The following ARHGEF3 variants were observed in gnomAD, a reference collection of about 807,000 sequenced individuals.
ARHGEF3 encodes the protein Rho guanine nucleotide exchange factor 3.
ARHGEF3 carries 28 observed loss-of-function variants against 63.2 expected under a neutral mutation model. The observed-to-expected ratio is 0.44, with a 90% CI of 0.33 to 0.61. The LOEUF (loss-of-function observed/expected upper bound fraction) is 0.61. Among genes scored for constraint, ARHGEF3 ranks in the 20% least tolerant of loss-of-function variants. The pLI, the probability that ARHGEF3 is intolerant of heterozygous loss-of-function variation, is 0.03. For missense variants in ARHGEF3, 533 were observed against 659.3 expected (o/e 0.81, Z 2.10); for synonymous variants, 266 against 254.2 (o/e 1.05, Z -0.44).
intron 1 of ARHGEF3, among the ~76,000 whole-genome samples, chr3:57,065,047 G>A (rs574074485): frequency 6.6e-6 from 1 of 152,370 alleles, no homozygotes; most frequent in South Asian, 2.1e-4. Context: ...GTGTATAACT[G>A]TAGGGAGAAG....
chr3:56,967,630 A>T (rs1304410409), intron 2 of ARHGEF3, among the ~76,000 whole-genome samples: 1 of 88,548 alleles, frequency 1.1e-5, no homozygotes, highest in Non-Finnish European at 1.9e-5. Flanking sequence ...TATATTATAT[A>T]ATATATATTA....
chr3:57,020,304 C>T (rs1407403141), intron 2 of ARHGEF3, among the ~76,000 whole-genome samples: 1 of 152,196 alleles, frequency 6.6e-6, no homozygotes, highest in Non-Finnish European at 1.5e-5. Context: ...TGCCACCTCC[C>T]CTCTCACTTG....
intron 2 of ARHGEF3, among the ~76,000 whole-genome samples, chr3:57,002,191 G>A (rs992740321): frequency 6.6e-5 from 10 of 151,322 alleles, no homozygotes; most frequent in Non-Finnish European, 1.2e-4. Flanking sequence ...GATTACAGGC[G>A]TGAGCCACCG....
intron 2 of ARHGEF3, among the ~76,000 whole-genome samples, chr3:56,984,223 A>G (rs1701447336): frequency 6.6e-6 from 1 of 152,208 alleles, no homozygotes; most frequent in Admixed American, 6.5e-5. Flanking sequence ...CACCACCCAG[A>G]GACCCCCACA....
chr3:56,729,539 G>C lies in ARHGEF3; in HGVS notation c.1312C>G (p.Gln438Glu). The change falls in exon 10 of 10, where the codon CAG (glutamine) becomes GAG (glutamate). Residue 438 changes from glutamine to glutamate, a missense_variant. This residue lies in a region of ARHGEF3 where 151 missense variants were observed against 190.7 expected (regional missense o/e 0.79). Coordinates refer to ENST00000296315, the MANE Select transcript of ARHGEF3 (RefSeq NM_019555.3). ...TGACGAATACAGTTAAGCCACTGCT[G>C]TTTGTTGAAAGTGTCATTGGCTTGT... ...SLQANDTFNK[Q>E]QWLNCIRQAK... 6.2e-7 allele frequency: 1 copy of C among 1,614,198 alleles called. No individual in the cohort carries two copies. Among genetic ancestry groups the C allele is most frequent in the Non-Finnish European group, 8.5e-7 (1 of 1,180,038 alleles).
chr3:57,006,755 C>T (rs1004599989), intron 2 of ARHGEF3, among the ~76,000 whole-genome samples: 1 of 152,198 alleles, frequency 6.6e-6, no homozygotes, highest in Non-Finnish European at 1.5e-5. Flanking sequence ...CCCCCAAACA[C>T]GGTCACACTT....
intron 2 of ARHGEF3, among the ~76,000 whole-genome samples, chr3:56,975,074 C>T (rs1326349877): frequency 6.6e-6 from 1 of 152,060 alleles, no homozygotes; most frequent in East Asian, 1.9e-4. Context: ...CTGGGGGTAC[C>T]CTCAATCTCT....
intron 7 of ARHGEF3, among the ~76,000 whole-genome samples, chr3:56,738,429 T>C (rs914445451): frequency 2.6e-5 from 4 of 151,776 alleles, no homozygotes; most frequent in Admixed American, 1.3e-4. Flanking sequence ...ACCTCTGCCT[T>C]CCAAAGTGCT....
chr3:57,020,840 T>C (rs1038044590), intron 2 of ARHGEF3, among the ~76,000 whole-genome samples: 1 of 152,258 alleles, frequency 6.6e-6, no homozygotes, highest in African/African-American at 2.4e-5. Flanking sequence ...ACTGCATTTC[T>C]GTCACTTGCA....
chr3:56,965,368 T>C (rs1700448876), intron 2 of ARHGEF3, among the ~76,000 whole-genome samples: 1 of 152,004 alleles, frequency 6.6e-6, no homozygotes. Context: ...ATTAAAACTG[T>C]CCCAAGAAGA....
At chr3:56,983,456 T>C (rs1203213040) in intron 2 of ARHGEF3, among the ~76,000 whole-genome samples, 4 of 152,218 alleles carry the variant, frequency 2.6e-5, no homozygotes, top group Admixed American at 6.5e-5. Context: ...GCCTGGTGTA[T>C]ATCCTTTCAG....
intron 2 of ARHGEF3, among the ~76,000 whole-genome samples, chr3:56,980,314 A>G (rs1454125467): frequency 6.6e-6 from 1 of 151,174 alleles, no homozygotes; most frequent in Non-Finnish European, 1.5e-5. Context: ...GGGCAAAATT[A>G]TTAAACACAA....
chr3:56,893,871 G>C (rs945405458), intron 3 of ARHGEF3, among the ~76,000 whole-genome samples: 3 of 144,548 alleles, frequency 2.1e-5, no homozygotes, highest in African/African-American at 7.6e-5. Flanking sequence ...CTTGCTGGGT[G>C]CTTTACATGT....
intron 3 of ARHGEF3, among the ~76,000 whole-genome samples, chr3:56,958,611 CAT>C (rs1700148747): frequency 6.6e-6 from 1 of 152,170 alleles, no homozygotes; most frequent in Non-Finnish European, 1.5e-5. Flanking sequence ...GGATTACAGA[CAT>C]GAGCTATCAC....
At chr3:57,054,863 A>C (rs952883892) in intron 1 of ARHGEF3, among the ~76,000 whole-genome samples, 23 of 151,158 alleles carry the variant, frequency 1.5e-4, no homozygotes, top group Admixed American at 3.9e-4. Flanking sequence ...GTTGGCCAGT[A>C]TGATCTCAAT....
At chr3:56,988,246 A>C (rs540772513) in intron 2 of ARHGEF3, among the ~76,000 whole-genome samples, 7 of 152,174 alleles carry the variant, frequency 4.6e-5, no homozygotes, top group African/African-American at 1.7e-4. Context: ...TCCCAGGTTC[A>C]AGTGATTCTC....
chr3:56,733,122 A>G (rs2033306924), intron 8 of ARHGEF3, among the ~76,000 whole-genome samples: 1 of 151,556 alleles, frequency 6.6e-6, no homozygotes, highest in South Asian at 2.1e-4. Context: ...TCTCTACTAA[A>G]AATACAAAAA....
chr3:57,070,971 CAAA>C (rs1231328722), intron 1 of ARHGEF3, among the ~76,000 whole-genome samples: 2 of 49,676 alleles, frequency 4.0e-5, no homozygotes. Flanking sequence ...GACTCTGTCA[CAAA>C]AAAAAAAAAA....
intron 7 of ARHGEF3, among the ~76,000 whole-genome samples, chr3:56,742,208 T>C (rs976665503): frequency 2.7e-5 from 4 of 150,728 alleles, no homozygotes; most frequent in Non-Finnish European, 5.9e-5. Context: ...GAAATAGTGG[T>C]GAGGTGGGGG....
Sources: gnomAD v4.1 joint callset for allele counts (sites outside exome capture counted in the v4.1 genomes callset) on GRCh38, gnomAD v4.1.1 for gene constraint, gnomAD v4.1.1 regional missense constraint, MANE v1.5 for transcripts, NCBI Gene and HGNC (gene_info 2026-07-23, HGNC 2026-07-21) for gene names.